The following DOCK3 variants were observed in gnomAD, a reference collection of about 807,000 sequenced individuals.
DOCK3 encodes the protein dedicator of cytokinesis protein 3.
Under a neutral mutation model 265.6 loss-of-function variants are expected in DOCK3, and 60 were observed. That is an observed-to-expected ratio of 0.23 (90% CI 0.18 to 0.28). The LOEUF (loss-of-function observed/expected upper bound fraction) is 0.28. Ranked by LOEUF, DOCK3 falls within the 10% of genes least tolerant of loss-of-function variation. The pLI is 1.00. For missense variants in DOCK3, 1,981 were observed against 2,594.3 expected (o/e 0.76, Z 5.14); for synonymous variants, 881 against 938.0 (o/e 0.94, Z 1.11).
chr3:51,055,154 C>G (rs2081150552), intron 5 of DOCK3, among the ~76,000 whole-genome samples: 1 of 152,122 alleles, frequency 6.6e-6, no homozygotes, highest in Non-Finnish European at 1.5e-5. Context: ...GGATCTTTTC[C>G]CCTGGGCTGA....
intron 9 of DOCK3, among the ~76,000 whole-genome samples, chr3:51,099,181 A>G (rs998698934): frequency 3.9e-5 from 6 of 152,244 alleles, no homozygotes; most frequent in Admixed American, 3.3e-4. Flanking sequence ...ACATGCTTCT[A>G]CATATATGCC....
At chr3:50,927,667 T>C (rs2050833678) in intron 4 of DOCK3, among the ~76,000 whole-genome samples, 1 of 152,240 alleles carries the variant, frequency 6.6e-6, no homozygotes, top group Admixed American at 6.5e-5. Context: ...TTTCAGTCTT[T>C]GCTTCTAGAA....
At chr3:51,173,117 T>C (rs1350613555) in intron 12 of DOCK3, among the ~76,000 whole-genome samples, 3 of 152,176 alleles carry the variant, frequency 2.0e-5, no homozygotes, top group Admixed American at 2.0e-4. Flanking sequence ...AGTGAGTTTA[T>C]ACTTTCTTTC....
At chr3:51,283,521 G>C (rs376492541) in intron 27 of DOCK3, among the ~76,000 whole-genome samples, 9 of 152,306 alleles carry the variant, frequency 5.9e-5, no homozygotes, top group Admixed American at 5.2e-4. Flanking sequence ...AGCTCCATGT[G>C]TCTCTCAGGA....
intron 1 of DOCK3, among the ~76,000 whole-genome samples, chr3:50,738,159 C>T (rs902601689): frequency 3.9e-5 from 6 of 152,038 alleles, no homozygotes; most frequent in South Asian, 2.1e-4. Flanking sequence ...CTTTGGTCAG[C>T]GGGTGGGTGT....
At chr3:50,720,466 G>T (rs2037406769) in intron 1 of DOCK3, among the ~76,000 whole-genome samples, 1 of 152,162 alleles carries the variant, frequency 6.6e-6, no homozygotes, top group East Asian at 1.9e-4. Context: ...TGAAGGACAT[G>T]ATCTCATTCT....
In DOCK3 at chr3:51,356,266, CT is replaced by C; in HGVS notation, c.4416+12del. On this transcript the variant is annotated intron_variant, in intron 42 of 52. Coordinates refer to ENST00000266037, the MANE Select transcript of DOCK3 (RefSeq NM_004947.5). ...GAGAATGAATTCAAGGTGAACAAAT[CT>C]AGGAAAACGGGCAGTACACACAGCA... 1 of 1,467,442 alleles carries C rather than the reference CT, an allele frequency of 6.8e-7. No individual in the cohort carries two copies. The highest frequency in any genetic ancestry group is 9.0e-7 in the Non-Finnish European group (1 of 1,115,844). 90.9% of individuals were successfully genotyped at this position (1,467,442 alleles called of 1,614,324 possible). A position where few individuals can be genotyped will look rare whatever the true frequency, so the allele number is the denominator to read the frequency against.
chr3:50,810,568 C>T (rs569753831), intron 2 of DOCK3, among the ~76,000 whole-genome samples: 2 of 151,868 alleles, frequency 1.3e-5, no homozygotes, highest in African/African-American at 4.8e-5. Flanking sequence ...TAAATTTAGC[C>T]GTACACTAAT....
chr3:50,998,227 A>C (rs1255336455), intron 5 of DOCK3, among the ~76,000 whole-genome samples: 2 of 152,240 alleles, frequency 1.3e-5, no homozygotes, highest in African/African-American at 4.8e-5. Flanking sequence ...CCTAGCCCTC[A>C]TCCCTCAGCA....
chr3:51,305,760 GTT>G (rs1491170509), intron 27 of DOCK3, among the ~76,000 whole-genome samples: 10 of 140,206 alleles, frequency 7.1e-5, no homozygotes, highest in Admixed American at 3.7e-4. Flanking sequence ...GTGTGTGTGT[GTT>G]TTTATTATAG....
At chr3:51,147,669 ATCATCC>A (rs1328176452) in intron 10 of DOCK3, among the ~76,000 whole-genome samples, 2 of 152,156 alleles carry the variant, frequency 1.3e-5, no homozygotes, top group African/African-American at 4.8e-5. Context: ...AGGACATGAA[ATCATCC>A]TTTTTTATGG....
intron 5 of DOCK3, among the ~76,000 whole-genome samples, chr3:51,023,218 A>G (rs1285667713): frequency 6.7e-6 from 1 of 150,258 alleles, no homozygotes; most frequent in Non-Finnish European, 1.5e-5. Flanking sequence ...ATATAATCTC[A>G]TATTTCTTGG....
intron 4 of DOCK3, among the ~76,000 whole-genome samples, chr3:50,928,127 T>TTA (rs1559826089): frequency 3.3e-5 from 2 of 60,116 alleles, no homozygotes; most frequent in Non-Finnish European, 5.7e-5. Context: ...TTTATTGTGA[T>TTA]GATATATATA....
At chr3:51,262,327 G>A (rs1282235168) in intron 23 of DOCK3, among the ~76,000 whole-genome samples, 1 of 152,182 alleles carries the variant, frequency 6.6e-6, no homozygotes, top group East Asian at 1.9e-4. Context: ...AGAGGGGCCT[G>A]ACTGTTAGAA....
intron 3 of DOCK3, among the ~76,000 whole-genome samples, chr3:50,847,395 G>A (rs187490193): frequency 6.6e-6 from 1 of 152,262 alleles, no homozygotes; most frequent in East Asian, 1.9e-4. Flanking sequence ...GGTTGAGCAT[G>A]TGGTCAATCT....
intron 1 of DOCK3, among the ~76,000 whole-genome samples, chr3:50,711,264 C>CT (rs34839295): frequency 0.023 from 3,165 of 139,860 alleles, 105 homozygotes; most frequent in African/African-American, 0.073. Flanking sequence ...TTGCTTAGTC[C>CT]TTTTTTTTTT....
At chr3:50,956,577 A>G (rs1193577164) in intron 5 of DOCK3, among the ~76,000 whole-genome samples, 2 of 152,200 alleles carry the variant, frequency 1.3e-5, no homozygotes, top group Non-Finnish European at 2.9e-5. Flanking sequence ...TGTTCACTAC[A>G]TCCCAGAAGG....
chr3:50,903,844 C>T (rs574538650), intron 4 of DOCK3, among the ~76,000 whole-genome samples: 4 of 151,860 alleles, frequency 2.6e-5, no homozygotes, highest in South Asian at 2.1e-4. Flanking sequence ...ATATATGTGC[C>T]GTGTTGGTGT....
chr3:50,941,535 A>G (rs1184877258), intron 5 of DOCK3, among the ~76,000 whole-genome samples: 8 of 152,136 alleles, frequency 5.3e-5, no homozygotes, highest in Admixed American at 1.3e-4. Context: ...TATACTTAAT[A>G]TATGACCCAG....
Sources: allele counts gnomAD v4.1 joint callset (sites outside exome capture counted in the v4.1 genomes callset), GRCh38; gene constraint gnomAD v4.1.1; transcripts MANE v1.5; gene names NCBI Gene and HGNC (gene_info 2026-07-23, HGNC 2026-07-21).